TRAK2: variants seen among roughly 807,000 people sequenced by gnomAD.
TRAK2 encodes the protein trafficking kinesin-binding protein 2.
In TRAK2, 81 loss-of-function variants were observed where a neutral mutation model predicts 104.6. The ratio of observed to expected loss-of-function variants is 0.77; its 90% confidence interval spans 0.65 to 0.93. The LOEUF (loss-of-function observed/expected upper bound fraction) is 0.93, where lower values mean the gene tolerates loss of function less well. Ranked by LOEUF, TRAK2 falls within the 40% of genes least tolerant of loss-of-function variation. TRAK2 has a pLI of 0.00. For missense variants in TRAK2, 1,002 were observed against 1,089.0 expected, an observed-to-expected ratio of 0.92 and a Z score of 1.12; for synonymous variants, 406 against 394.4, an observed-to-expected ratio of 1.03 and a Z score of -0.35.
chr2:201,397,143 G>A (rs1951509654), intron 7 of TRAK2, among the ~76,000 whole-genome samples: 1 of 152,064 alleles, frequency 6.6e-6, no homozygotes, highest in Non-Finnish European at 1.5e-5. Context: ...CATCATTTAA[G>A]CCCTGGCTCT....
At chr2:201,412,163 G>T (rs1231619959) in intron 2 of TRAK2, 8 of 976,786 alleles carry the variant, frequency 8.2e-6, no homozygotes, top group African/African-American at 3.2e-5. Flanking sequence ...CAAAACAAAA[G>T]GTACCATGTC....
chr2:201,386,509 G>T (rs756933960), intron 13 of TRAK2, 25 bp from the exon 14 acceptor site: 7 of 1,607,184 alleles, frequency 4.4e-6, no homozygotes, highest in Non-Finnish European at 6.0e-6. Context: ...CAAAGGAAGG[G>T]GAAAGGCATG....
intron 2 of TRAK2, 54 bp downstream of exon 2, chr2:201,420,363 T>A: frequency 6.8e-7 from 1 of 1,471,176 alleles, no homozygotes; most frequent in Non-Finnish European, 9.5e-7. Flanking sequence ...ACTGAGGCAT[T>A]TGCATTTTCT....
chr2:201,392,601 T>C (rs1951457965), intron 10 of TRAK2, among the ~76,000 whole-genome samples: 1 of 152,198 alleles, frequency 6.6e-6, no homozygotes, highest in Admixed American at 6.5e-5. Flanking sequence ...TGGCAGGCTG[T>C]GGGCCTAGGG....
chr2:201,405,274 G>C (rs1951584153), intron 3 of TRAK2, among the ~76,000 whole-genome samples: 1 of 152,062 alleles, frequency 6.6e-6, no homozygotes, highest in Non-Finnish European at 1.5e-5. Context: ...AATTTTTGAG[G>C]GCAGAGCCTG....
intron 9 of TRAK2, among the ~76,000 whole-genome samples, chr2:201,393,892 C>G (rs1307532875): frequency 6.6e-6 from 1 of 152,114 alleles, no homozygotes; most frequent in Admixed American, 6.6e-5. Flanking sequence ...GGACCACAGG[C>G]GTGCACCACT....
intron 9 of TRAK2, among the ~76,000 whole-genome samples, chr2:201,393,267 C>T (rs1559440013): frequency 1.3e-5 from 2 of 152,068 alleles, no homozygotes; most frequent in Admixed American, 6.6e-5. Context: ...AAATTATACA[C>T]GGATGTGACT....
intron 10 of TRAK2, among the ~76,000 whole-genome samples, chr2:201,392,154 T>A (rs1289189754): frequency 6.6e-6 from 1 of 152,130 alleles, no homozygotes; most frequent in Non-Finnish European, 1.5e-5. Context: ...AAAGAGAGAT[T>A]GAATGATATG....
chr2:201,411,238 G>T, intron 2 of TRAK2: 1 of 724,014 alleles, frequency 1.4e-6, no homozygotes, highest in South Asian at 1.5e-5. Context: ...AGAGGCTGCT[G>T]GCCTTTCAAC....
chr2:201,424,727 C>T (rs1450392172), intron 1 of TRAK2, among the ~76,000 whole-genome samples: 3 of 152,060 alleles, frequency 2.0e-5, no homozygotes, highest in Non-Finnish European at 4.4e-5. Flanking sequence ...CTCAGCCTCC[C>T]GAGTAGCTGG....
chr2:201,443,773 CCAT>C (rs1304358441), intron 1 of TRAK2, among the ~76,000 whole-genome samples: 4 of 152,166 alleles, frequency 2.6e-5, no homozygotes, highest in African/African-American at 9.7e-5. Flanking sequence ...CTAGTTCAAG[CCAT>C]CATCATCTCT....
At chr2:201,417,101 G>C (rs1951698758) in intron 2 of TRAK2, among the ~76,000 whole-genome samples, 1 of 139,742 alleles carries the variant, frequency 7.2e-6, no homozygotes, top group Non-Finnish European at 1.6e-5. Flanking sequence ...AGATTCAGAT[G>C]AGTTTAAAAA....
At chr2:201,442,092 G>A (rs890786991) in intron 1 of TRAK2, among the ~76,000 whole-genome samples, 5 of 151,252 alleles carry the variant, frequency 3.3e-5, no homozygotes, top group African/African-American at 9.7e-5. Flanking sequence ...AGTGGAAAGC[G>A]ATACGAGCAG....
In TRAK2 at chr2:201,411,062, C is replaced by T. The variant is rs1315115218; in HGVS notation, c.92-3465G>A. 1.5e-5 allele frequency: 18 copies of T among 1,202,072 alleles called. No individual in the cohort carries two copies. The Admixed American group carries it at 2.6e-4, about 17-fold the overall frequency. The allele number at this position is 1,202,072 out of a possible 1,614,324, so 74.5% of individuals were successfully genotyped here. A position where few individuals can be genotyped will look rare whatever the true frequency, so the allele number is the denominator to read the frequency against. ...TTGTATTATCAACTGGTGTAGAAAACATCATGTCAATGCCCATGGAAGGAA... is the reference window on the plus strand; with the variant it reads ...TTGTATTATCAACTGGTGTAGAAAATATCATGTCAATGCCCATGGAAGGAA... On this transcript the variant is annotated intron_variant, in intron 2 of 15. Coordinates refer to ENST00000332624, the MANE Select transcript of TRAK2 (RefSeq NM_015049.3).
At chr2:201,429,510 A>G (rs1951822221) in intron 1 of TRAK2, among the ~76,000 whole-genome samples, 1 of 152,196 alleles carries the variant, frequency 6.6e-6, no homozygotes, top group African/African-American at 2.4e-5. Context: ...AATCACACGT[A>G]GATTTGGTCT....
At chr2:201,394,347 C>CTTTTTTTTTTT (rs4034637) in intron 9 of TRAK2, among the ~76,000 whole-genome samples, 1 of 144,250 alleles carries the variant, frequency 6.9e-6, no homozygotes, top group Non-Finnish European at 1.5e-5. Context: ...CTTTTTCTTT[C>CTTTTTTTTTTT]TTTTTTTTTT....
intron 2 of TRAK2, among the ~76,000 whole-genome samples, chr2:201,413,937 C>T (rs946869931): frequency 8.5e-5 from 13 of 152,310 alleles, no homozygotes; most frequent in African/African-American, 2.6e-4. Flanking sequence ...TGGGTTTTGG[C>T]ATCAGACGTA....
At chr2:201,449,363 G>A (rs1351219754) in intron 1 of TRAK2, among the ~76,000 whole-genome samples, 1 of 152,126 alleles carries the variant, frequency 6.6e-6, no homozygotes, top group African/African-American at 2.4e-5. Context: ...TGTTACATAA[G>A]CAAGTCTTTG....
intron 1 of TRAK2, among the ~76,000 whole-genome samples, chr2:201,450,359 G>A (rs1008348460): frequency 5.3e-5 from 8 of 151,780 alleles, no homozygotes; most frequent in Admixed American, 1.3e-4. Context: ...AGGTTGCAGT[G>A]AGCCGAGATC....
Sources: allele counts gnomAD v4.1 joint callset (sites outside exome capture counted in the v4.1 genomes callset), GRCh38; gene constraint gnomAD v4.1.1; transcripts MANE v1.5; gene names NCBI Gene and HGNC (gene_info 2026-07-23, HGNC 2026-07-21).